RC3H1: variants seen among roughly 807,000 people sequenced by gnomAD.
RC3H1 encodes the protein roquin-1.
RC3H1 carries 50 observed loss-of-function variants against 138.2 expected under a neutral mutation model. The ratio of observed to expected loss-of-function variants is 0.36; its 90% CI spans 0.29 to 0.46. RC3H1 has a LOEUF of 0.46. Ranked by LOEUF, RC3H1 falls within the 20% of genes least tolerant of loss-of-function variation. RC3H1 has a pLI of 1.00. For synonymous variants in RC3H1, 462 were observed against 489.1 expected (o/e 0.94, Z 0.73); for missense variants, 1,031 against 1,388.1 (o/e 0.74, Z 4.09).
At chr1:173,968,003 T>C (rs1342307094) in intron 9 of RC3H1, among the ~76,000 whole-genome samples, 1 of 152,184 alleles carries the variant, frequency 6.6e-6, no homozygotes, top group Non-Finnish European at 1.5e-5. Context: ...CAGCTCTATT[T>C]TTCAAATAGG....
intron 2 of RC3H1, among the ~76,000 whole-genome samples, chr1:173,984,850 A>C (rs1022491383): frequency 5.9e-5 from 9 of 152,202 alleles, no homozygotes; most frequent in African/African-American, 2.2e-4. Context: ...GACTGGTTTA[A>C]AGTACATACA....
At chr1:173,974,402 T>A (rs1660488917) in intron 7 of RC3H1, among the ~76,000 whole-genome samples, 1 of 151,460 alleles carries the variant, frequency 6.6e-6, no homozygotes, top group African/African-American at 2.4e-5. Flanking sequence ...GACTTTCAAA[T>A]ATATAAATTA....
intron 13 of RC3H1, among the ~76,000 whole-genome samples, chr1:173,954,839 T>C (rs1659563733): frequency 6.6e-6 from 1 of 152,030 alleles, no homozygotes; most frequent in African/African-American, 2.4e-5. Context: ...CTACTTAGGA[T>C]CTTGAAAGTC....
At chr1:173,943,695 A>G in intron 17 of RC3H1, 80 bp from the exon 18 acceptor site, 1 of 1,409,316 alleles carries the variant, frequency 7.1e-7, no homozygotes, top group South Asian at 1.5e-5. Context: ...ATTCCAGACC[A>G]CAGCCTTGAG....
At chr1:173,956,712 CCCATA>C (rs1185823173) in intron 13 of RC3H1, among the ~76,000 whole-genome samples, 1 of 150,002 alleles carries the variant, frequency 6.7e-6, no homozygotes, top group Non-Finnish European at 1.5e-5. Flanking sequence ...CACTCTGTAT[CCCATA>C]AACTTGTACA....
chr1:173,954,707 T>C (rs1204546212), intron 13 of RC3H1, among the ~76,000 whole-genome samples: 3 of 152,112 alleles, frequency 2.0e-5, no homozygotes, highest in Non-Finnish European at 4.4e-5. Context: ...ACAAATGACA[T>C]AAAAAATTTG....
At position 173,952,145 on chromosome 1, in the gene RC3H1, A is replaced by G. The variant is rs775269222; in HGVS notation, c.2371-7T>C. ...TCAAGTCTTCATCCAAAAACTACAG[A>G]TGGAGAAAGAAAAAAAACAAAAAAA... On this transcript the variant is annotated splice_polypyrimidine_tract_variant and splice_region_variant and intron_variant, in intron 13 of 19. Coordinates refer to ENST00000367696, the MANE Select transcript of RC3H1 (RefSeq NM_172071.4). 6.8e-7 allele frequency: 1 copy of G among 1,471,710 alleles called. No homozygotes were observed. Among genetic ancestry groups the G allele is most frequent in the Non-Finnish European group, 9.0e-7 (1 of 1,107,412 alleles). The allele number at this position is 1,471,710 out of a possible 1,614,324, so 91.2% of individuals were successfully genotyped here. A position where few individuals can be genotyped will look rare whatever the true frequency, so the allele number is the denominator to read the frequency against.
At position 173,933,295 on chromosome 1, in the gene RC3H1, C is replaced by T. The variant is rs1245583129; in HGVS notation, c.*5426G>A. 6.6e-6 allele frequency: 1 copy of T among 151,942 alleles called. No individual in the cohort carries two copies. The highest frequency in any genetic ancestry group is 1.5e-5 in the Non-Finnish European group (1 of 67,922). 9.4% of individuals were successfully genotyped at this position (151,942 alleles called of 1,614,324 possible). On this transcript the variant is annotated 3_prime_UTR_variant, in exon 20 of 20. Coordinates refer to ENST00000367696, the MANE Select transcript of RC3H1 (RefSeq NM_172071.4). ...AGGATTCCAGTGGTGAGGTAAGTCC[C>T]TTTATTACAATAAGATTTCAAAGGG...
chr1:173,998,549 A>G (rs1487869371), intron 1 of RC3H1, among the ~76,000 whole-genome samples: 2 of 152,324 alleles, frequency 1.3e-5, no homozygotes, highest in South Asian at 2.1e-4. Context: ...TTACACCACT[A>G]AAGAGTGCTC....
intron 1 of RC3H1, among the ~76,000 whole-genome samples, chr1:174,008,802 C>T (rs111855671): frequency 0.022 from 3,315 of 152,040 alleles, 134 homozygotes; most frequent in African/African-American, 0.076. Flanking sequence ...CATGGCGAAA[C>T]GCCATCTCTA....
At chr1:173,972,241 G>A (rs1231950276) in intron 8 of RC3H1, among the ~76,000 whole-genome samples, 1 of 152,104 alleles carries the variant, frequency 6.6e-6, no homozygotes, top group Non-Finnish European at 1.5e-5. Flanking sequence ...TCCATCAAAT[G>A]CTGCCATATC....
At chr1:173,949,688 G>A (rs1012672993) in intron 14 of RC3H1, among the ~76,000 whole-genome samples, 4 of 152,136 alleles carry the variant, frequency 2.6e-5, no homozygotes, top group Non-Finnish European at 5.9e-5. Context: ...ATTTCTAAGT[G>A]TAACTTTCAC....
chr1:173,972,454 A>G (rs932490270), intron 8 of RC3H1, 55 bp downstream of exon 8: 3 of 1,216,196 alleles, frequency 2.5e-6, no homozygotes, highest in Admixed American at 1.7e-5. Context: ...GTTTACCTAT[A>G]GTTTTAAGGC....
At chr1:174,001,233 G>C (rs1053936039) in intron 1 of RC3H1, among the ~76,000 whole-genome samples, 1 of 152,146 alleles carries the variant, frequency 6.6e-6, no homozygotes, top group Non-Finnish European at 1.5e-5. Context: ...TAGTAAGAAA[G>C]GACAAAATCA....
At chr1:173,983,016 A>G (rs1230976146) in intron 4 of RC3H1, 114 bp from the exon 5 acceptor site, 15 of 901,578 alleles carry the variant, frequency 1.7e-5, no homozygotes, top group Non-Finnish European at 2.2e-5. Context: ...CTGGCAATAC[A>G]GTTAAGATTA....
chr1:173,931,822 C>G lies in RC3H1; in HGVS notation c.*6899G>C, dbSNP rs1170628678. ...TTCCAACCTATTTGTCTTCACTTCT[C>G]TTTTTAAAGTTGGAAACACTTGGAA... On this transcript the variant is annotated 3_prime_UTR_variant, in exon 20 of 20. Transcript: ENST00000367696. The G allele has an allele frequency of 6.6e-6, 1 of 152,060 alleles. No individual in the cohort carries two copies. The highest frequency in any genetic ancestry group is 1.5e-5 in the Non-Finnish European group (1 of 68,010). 9.4% of individuals were successfully genotyped at this position (152,060 alleles called of 1,614,324 possible).
At chr1:173,972,303 T>C (rs1003573854) in intron 8 of RC3H1, among the ~76,000 whole-genome samples, 4 of 152,342 alleles carry the variant, frequency 2.6e-5, no homozygotes, top group Admixed American at 2.6e-4. Flanking sequence ...GATTATTTAA[T>C]GTCAATATTG....
intron 2 of RC3H1, among the ~76,000 whole-genome samples, chr1:173,988,241 T>A (rs1308700467): frequency 2.0e-5 from 3 of 152,208 alleles, no homozygotes; most frequent in Non-Finnish European, 4.4e-5. Context: ...CCTCCCTCCC[T>A]ACTCCTGAAT....
intron 2 of RC3H1, among the ~76,000 whole-genome samples, chr1:173,992,283 T>G (rs1661321577): frequency 6.6e-6 from 1 of 152,140 alleles, no homozygotes; most frequent in Non-Finnish European, 1.5e-5. Context: ...TAGCTGGGAT[T>G]ACAGGCACAC....
Sources: allele counts gnomAD v4.1 joint callset (sites outside exome capture counted in the v4.1 genomes callset), GRCh38; gene constraint gnomAD v4.1.1; transcripts MANE v1.5; gene names NCBI Gene and HGNC (gene_info 2026-07-23, HGNC 2026-07-21).